RBFOX1: variants seen among roughly 807,000 people sequenced by gnomAD.
RBFOX1 encodes the protein RNA binding protein fox-1 homolog 1.
In RBFOX1, 8 loss-of-function variants were observed where a neutral mutation model predicts 57.7. The ratio of observed to expected loss-of-function variants is 0.14; its 90% CI spans 0.08 to 0.25. RBFOX1 has a LOEUF of 0.25. RBFOX1 is among the 10% of genes least tolerant of loss of function. RBFOX1 has a pLI of 1.00. For synonymous variants in RBFOX1, 326 were observed against 222.4 expected, an observed-to-expected ratio of 1.47 and a Z score of -4.15; for missense variants, 611 against 548.5, an observed-to-expected ratio of 1.11 and a Z score of -1.14.
intron 3 of RBFOX1, among the ~76,000 whole-genome samples, chr16:5,626,866 A>G (rs941365123): frequency 1.3e-5 from 2 of 151,748 alleles, no homozygotes; most frequent in Admixed American, 6.6e-5. Flanking sequence ...TTTTTTCTAT[A>G]AGAAAGAATT....
chr16:6,240,464 C>T (rs1348711675), intron 1 of RBFOX1, among the ~76,000 whole-genome samples: 1 of 151,978 alleles, frequency 6.6e-6, no homozygotes, highest in Non-Finnish European at 1.5e-5. Flanking sequence ...AACCTTCCTC[C>T]CCTCCTTGCT....
At chr16:7,651,668 T>G (rs2065089969) in intron 11 of RBFOX1, among the ~76,000 whole-genome samples, 1 of 152,154 alleles carries the variant, frequency 6.6e-6, no homozygotes, top group African/African-American at 2.4e-5. Flanking sequence ...TGGAGACAAC[T>G]TTAACATGAA....
intron 2 of RBFOX1, chr16:6,484,019 G>A (rs763526312): frequency 1.2e-4 from 104 of 884,060 alleles, no homozygotes; most frequent in Non-Finnish European, 1.4e-4. Context: ...GAGGGCTAGG[G>A]GGCGTTTAGA....
At chr16:6,867,002 TGTTAGCTGTTC>T (rs2060050709) in intron 3 of RBFOX1, among the ~76,000 whole-genome samples, 1 of 117,688 alleles carries the variant, frequency 8.5e-6, no homozygotes, top group Non-Finnish European at 1.7e-5. Flanking sequence ...TCAGAGTCTG[TGTTAGCTGTTC>T]TTTAAAAAAA....
chr16:6,646,015 G>C (rs935378320), intron 2 of RBFOX1, among the ~76,000 whole-genome samples: 1 of 152,010 alleles, frequency 6.6e-6, no homozygotes, highest in Non-Finnish European at 1.5e-5. Context: ...AGGGTTTCCC[G>C]GCTACAAAAA....
chr16:7,537,372 G>C (rs1369454014), intron 5 of RBFOX1, among the ~76,000 whole-genome samples: 1 of 152,176 alleles, frequency 6.6e-6, no homozygotes, highest in African/African-American at 2.4e-5. Flanking sequence ...AATTCTGAGA[G>C]TGACCATTGA....
chr16:7,334,960 T>A (rs1174410070), intron 4 of RBFOX1, among the ~76,000 whole-genome samples: 1 of 152,230 alleles, frequency 6.6e-6, no homozygotes, highest in Non-Finnish European at 1.5e-5. Context: ...GACCAGCTGC[T>A]GTGATATGTG....
intron 1 of RBFOX1, among the ~76,000 whole-genome samples, chr16:6,110,195 C>CTTTTTTTTTTTTTTTTTTTTTTTTT (rs3049169): frequency 7.8e-6 from 1 of 128,262 alleles, no homozygotes; most frequent in Non-Finnish European, 1.6e-5. Flanking sequence ...TTTTCTTCTT[C>CTTTTTTTTTTTTTTTTTTTTTTTTT]TTTTTTTTTT....
At chr16:6,103,628 T>G (rs1299181113) in intron 1 of RBFOX1, among the ~76,000 whole-genome samples, 7 of 152,086 alleles carry the variant, frequency 4.6e-5, no homozygotes, top group Non-Finnish European at 8.8e-5. Flanking sequence ...CTGGCTTCAG[T>G]CACCCTTGAA....
At chr16:5,856,606 A>ATATATATATATAG (rs2057078985) in intron 3 of RBFOX1, among the ~76,000 whole-genome samples, 1 of 34,126 alleles carries the variant, frequency 2.9e-5, no homozygotes, top group Non-Finnish European at 5.9e-5. Context: ...TATATATATA[A>ATATATATATATAG]TCTTAGCCAG....
At chr16:5,572,582 C>G (rs189812142) in intron 2 of RBFOX1, among the ~76,000 whole-genome samples, 2 of 152,268 alleles carry the variant, frequency 1.3e-5, no homozygotes, top group Admixed American at 6.5e-5. Flanking sequence ...CCCTGGTAGT[C>G]AAAATCACCT....
intron 3 of RBFOX1, among the ~76,000 whole-genome samples, chr16:5,807,199 C>G (rs1356348639): frequency 6.6e-6 from 1 of 152,210 alleles, no homozygotes; most frequent in Admixed American, 6.5e-5. Context: ...TGGAACCTAC[C>G]TCCCTATTGT....
At chr16:7,141,684 C>A (rs1402396268) in intron 4 of RBFOX1, among the ~76,000 whole-genome samples, 2 of 152,114 alleles carry the variant, frequency 1.3e-5, no homozygotes, top group Non-Finnish European at 2.9e-5. Flanking sequence ...AAGGGATGAG[C>A]TACTATAGTC....
intron 4 of RBFOX1, among the ~76,000 whole-genome samples, chr16:7,223,676 G>T (rs1603354128): frequency 7.6e-6 from 1 of 132,186 alleles, no homozygotes; most frequent in African/African-American, 2.7e-5. Flanking sequence ...AAGAAATGTT[G>T]AATTAAATTC....
At chr16:7,009,629 T>C (rs1234232605) in intron 3 of RBFOX1, among the ~76,000 whole-genome samples, 5 of 152,162 alleles carry the variant, frequency 3.3e-5, no homozygotes, top group Non-Finnish European at 7.4e-5. Context: ...GTATAGCATA[T>C]TGGAATTCTA....
chr16:6,732,187 T>A (rs553296575), intron 3 of RBFOX1, among the ~76,000 whole-genome samples: 13 of 152,204 alleles, frequency 8.5e-5, no homozygotes, highest in Non-Finnish European at 1.9e-4. Context: ...AAGATTGACT[T>A]TCCCTGCTTA....
Position 6,491,300 on chromosome 16 carries a change from G to C in RBFOX1, c.-63-163303G>C, listed in dbSNP as rs148463196. ...AGCCATTTTAATTCCATATCCAGAA[G>C]TATATGGAATACTTCCGCATCTTAA... On this transcript the variant is annotated intron_variant, in intron 2 of 15. Transcript: ENST00000550418. 7.1e-3 allele frequency among the ~76,000 whole-genome samples: 1,074 copies of C among 152,030 alleles called. 4 individuals are homozygous for C. Among genetic ancestry groups the C allele is most frequent in the Middle Eastern group, 0.034 (10 of 292 alleles).
chr16:6,855,960 G>C (rs1853837288), intron 3 of RBFOX1, among the ~76,000 whole-genome samples: 1 of 150,552 alleles, frequency 6.6e-6, no homozygotes, highest in Non-Finnish European at 1.5e-5. Flanking sequence ...TCTGTCATTT[G>C]TACCCAAAGA....
At chr16:7,046,571 G>A (rs971660894) in intron 3 of RBFOX1, among the ~76,000 whole-genome samples, 5 of 147,602 alleles carry the variant, frequency 3.4e-5, no homozygotes, top group African/African-American at 1.2e-4. Flanking sequence ...CACCACGTAT[G>A]CCTCTTTGTT....
Sources: allele counts gnomAD v4.1 joint callset (sites outside exome capture counted in the v4.1 genomes callset), GRCh38; gene constraint gnomAD v4.1.1; transcripts MANE v1.5; gene names NCBI Gene and HGNC (gene_info 2026-07-23, HGNC 2026-07-21).